USP10: variants seen among roughly 807,000 people sequenced by gnomAD.
USP10 encodes the protein ubiquitin specific peptidase 10, also known as ubiquitin carboxyl-terminal hydrolase 10.
Under a neutral mutation model 84.5 loss-of-function variants are expected in USP10, and 22 were observed. The observed-to-expected ratio is 0.26, with a 90% confidence interval of 0.19 to 0.37. The LOEUF (loss-of-function observed/expected upper bound fraction) is 0.37, where lower values mean the gene tolerates loss of function less well. Among genes scored for constraint, USP10 ranks in the 10% least tolerant of loss-of-function variants. The probability of loss-of-function intolerance (pLI) is 1.00; values close to 1 mark genes in which losing one functional copy is unlikely to be tolerated. For synonymous variants in USP10, 454 were observed against 387.6 expected (o/e 1.17, Z -2.01); for missense variants, 1,019 against 998.9 (o/e 1.02, Z -0.27).
intron 1 of USP10, among the ~76,000 whole-genome samples, chr16:84,719,402 A>G (rs903672811): frequency 1.3e-5 from 2 of 152,140 alleles, no homozygotes; most frequent in East Asian, 1.9e-4. Flanking sequence ...CTAAACTCCA[A>G]CTGTAAGTCA....
chr16:84,718,905 G>C (rs1394733495), intron 1 of USP10, among the ~76,000 whole-genome samples: 1 of 151,858 alleles, frequency 6.6e-6, no homozygotes, highest in Non-Finnish European at 1.5e-5. Context: ...CGATTCTCCT[G>C]CCTTAGCCTC....
chr16:84,761,727 A>G (rs1281870106), intron 8 of USP10, among the ~76,000 whole-genome samples: 1 of 152,282 alleles, frequency 6.6e-6, no homozygotes, highest in Non-Finnish European at 1.5e-5. Flanking sequence ...CAGAAAGCAC[A>G]TTGCTTGCGC....
chr16:84,777,213 G>A (rs966168537), intron 13 of USP10, among the ~76,000 whole-genome samples: 4 of 152,202 alleles, frequency 2.6e-5, no homozygotes, highest in Admixed American at 1.3e-4. Context: ...AGTGACACAC[G>A]GCTCAGCCCA....
At chr16:84,727,272 C>G (rs1908617953) in intron 1 of USP10, among the ~76,000 whole-genome samples, 1 of 152,136 alleles carries the variant, frequency 6.6e-6, no homozygotes, top group Admixed American at 6.5e-5. Context: ...GGTTGTAAAT[C>G]CTGTGAAGTC....
At chr16:84,760,703 G>A (rs895408764) in intron 8 of USP10, among the ~76,000 whole-genome samples, 3 of 152,128 alleles carry the variant, frequency 2.0e-5, no homozygotes, top group African/African-American at 4.8e-5. Flanking sequence ...GCTATTTGAT[G>A]TACTTGATTC....
intron 1 of USP10, among the ~76,000 whole-genome samples, chr16:84,729,881 A>T (rs1908986067): frequency 6.6e-6 from 1 of 152,250 alleles, no homozygotes; most frequent in Admixed American, 6.5e-5. Context: ...GGTAATCAGC[A>T]GTTACTTATG....
intron 4 of USP10, among the ~76,000 whole-genome samples, chr16:84,747,554 ATTTTT>A (rs71151244): frequency 2.7e-5 from 2 of 72,988 alleles, no homozygotes; most frequent in Admixed American, 2.2e-4. Flanking sequence ...AAGCCAGGTG[ATTTTT>A]TTTTTTTTTT....
chr16:84,731,780 T>C (rs1284647667), intron 1 of USP10, among the ~76,000 whole-genome samples: 1 of 152,052 alleles, frequency 6.6e-6, no homozygotes, highest in Non-Finnish European at 1.5e-5. Flanking sequence ...ATAGCTCTTT[T>C]TTTTTTGTGA....
chr16:84,746,002 T>C (rs1465282187), intron 4 of USP10, among the ~76,000 whole-genome samples: 1 of 152,230 alleles, frequency 6.6e-6, no homozygotes, highest in African/African-American at 2.4e-5. Context: ...TTCTGTGATA[T>C]ACCTTTGGTA....
At chr16:84,704,156 C>T (rs904222543) in intron 1 of USP10, among the ~76,000 whole-genome samples, 6 of 152,106 alleles carry the variant, frequency 3.9e-5, no homozygotes, top group African/African-American at 1.4e-4. Flanking sequence ...GTTTTTGTTT[C>T]GGTTTTTTGT....
intron 4 of USP10, among the ~76,000 whole-genome samples, chr16:84,754,729 A>G (rs1718796523): frequency 6.6e-6 from 1 of 152,250 alleles, no homozygotes; most frequent in South Asian, 2.1e-4. Flanking sequence ...TGTCTCACAA[A>G]TAAATGCTGG....
chr16:84,774,931 T>C (rs1914840416), intron 12 of USP10, among the ~76,000 whole-genome samples: 1 of 152,222 alleles, frequency 6.6e-6, no homozygotes, highest in Admixed American at 6.5e-5. Context: ...GCCTCGGCCG[T>C]TGCTCCTGTT....
chr16:84,740,400 G>C, intron 3 of USP10, 31 bp downstream of exon 3: 1 of 1,603,038 alleles, frequency 6.2e-7, no homozygotes, highest in Non-Finnish European at 8.5e-7. Flanking sequence ...TTTCCCTGAA[G>C]GGAATTTGGC....
intron 10 of USP10, among the ~76,000 whole-genome samples, chr16:84,766,235 A>T (rs990950123): frequency 2.0e-5 from 3 of 152,234 alleles, no homozygotes; most frequent in Non-Finnish European, 4.4e-5. Flanking sequence ...GTGGATTTAG[A>T]AGCCAGTTGA....
At chr16:84,734,653 A>AT (rs747243892) in intron 2 of USP10, among the ~76,000 whole-genome samples, 8 of 151,206 alleles carry the variant, frequency 5.3e-5, no homozygotes, top group Admixed American at 6.6e-5. Context: ...AACTGAATTG[A>AT]TTTTTTTTTC....
At chr16:84,721,844 C>T (rs1396270652) in intron 1 of USP10, among the ~76,000 whole-genome samples, 1 of 152,230 alleles carries the variant, frequency 6.6e-6, no homozygotes, top group East Asian at 1.9e-4. Context: ...ACTACAGGCA[C>T]ACGCCGCCAC....
chr16:84,756,321 C>T (rs1912536444), intron 4 of USP10, among the ~76,000 whole-genome samples: 1 of 152,192 alleles, frequency 6.6e-6, no homozygotes, highest in Non-Finnish European at 1.5e-5. Context: ...AGCCACACAC[C>T]ATGGCTCATG....
intron 4 of USP10, among the ~76,000 whole-genome samples, chr16:84,748,460 C>T (rs1419233422): frequency 1.3e-5 from 2 of 151,976 alleles, no homozygotes; most frequent in African/African-American, 2.4e-5. Context: ...CCTGGCACCA[C>T]GCCAGGCTAA....
chr16:84,738,237 A>G (rs1251549575), intron 2 of USP10, among the ~76,000 whole-genome samples: 1 of 152,216 alleles, frequency 6.6e-6, no homozygotes, highest in Non-Finnish European at 1.5e-5. Flanking sequence ...TGAAGAGAAC[A>G]TTGATATAAT....
Sources: allele counts gnomAD v4.1 joint callset (sites outside exome capture counted in the v4.1 genomes callset), GRCh38; gene constraint gnomAD v4.1.1; transcripts MANE v1.5; gene names NCBI Gene and HGNC (gene_info 2026-07-23, HGNC 2026-07-21).